The following CHN2 variants were observed in gnomAD, a reference collection of about 807,000 sequenced individuals.
CHN2 encodes chimerin 2.
Under a neutral mutation model 56.3 loss-of-function variants are expected in CHN2, and 35 were observed. That is an observed-to-expected ratio of 0.62 (90% CI 0.47 to 0.82). The LOEUF is 0.82. CHN2 is among the 40% of genes least tolerant of loss of function. The pLI, the probability that CHN2 is intolerant of heterozygous loss-of-function variation, is 0.00. For missense variants in CHN2, 491 were observed against 580.5 expected, an observed-to-expected ratio of 0.85 and a Z score of 1.58; for synonymous variants, 210 against 212.8, an observed-to-expected ratio of 0.99 and a Z score of 0.12.
intron 6 of CHN2, among the ~76,000 whole-genome samples, chr7:29,474,251 A>G (rs1008649847): frequency 1.3e-5 from 2 of 152,184 alleles, no homozygotes; most frequent in African/African-American, 4.8e-5. Context: ...ATAATACCCT[A>G]TTACATTTTA....
chr7:29,391,313 GAGGGAGGTAGGAAGGGAAGGGAAGAGGA>G (rs1165712478), intron 3 of CHN2, among the ~76,000 whole-genome samples: 2 of 146,370 alleles, frequency 1.4e-5, no homozygotes, highest in Non-Finnish European at 3.0e-5. Context: ...AGGAGAGAGG[GAGGGAGGTAGGAAGGGAAGGGAAGAGGA>G]AGGGAGGGGA....
intron 1 of CHN2, among the ~76,000 whole-genome samples, chr7:29,243,846 T>C (rs1787872177): frequency 6.6e-6 from 1 of 152,228 alleles, no homozygotes; most frequent in Non-Finnish European, 1.5e-5. Context: ...TAATTACAGT[T>C]TATCTCCATC....
intron 7 of CHN2, among the ~76,000 whole-genome samples, chr7:29,490,111 C>CT (rs34148468): frequency 0.054 from 7,346 of 136,432 alleles, 229 homozygotes; most frequent in East Asian, 0.15. Flanking sequence ...GATGTCATTC[C>CT]TTTTTTTTTT....
chr7:29,239,982 C>CA (rs1787525407), intron 1 of CHN2, among the ~76,000 whole-genome samples: 1 of 152,144 alleles, frequency 6.6e-6, no homozygotes, highest in African/African-American at 2.4e-5. Flanking sequence ...GCAACTAACT[C>CA]AAACATTTTT....
chr7:29,392,354 A>G (rs1210333664), intron 3 of CHN2, among the ~76,000 whole-genome samples: 1 of 152,234 alleles, frequency 6.6e-6, no homozygotes, highest in Non-Finnish European at 1.5e-5. Context: ...CATCATTTAT[A>G]GAAAGGATAT....
intron 2 of CHN2, among the ~76,000 whole-genome samples, chr7:29,180,268 G>A (rs1270955698): frequency 6.6e-6 from 1 of 152,196 alleles, no homozygotes; most frequent in East Asian, 1.9e-4. Context: ...GCTCACGCCT[G>A]TAATCCCAGC....
rs10633708 is a variant in CHN2 at position 29,504,721 on chromosome 7, G to GTC, written c.914-7_914-6dup. 35,651 of 1,276,840 alleles carry GTC rather than the reference G, an allele frequency of 0.028. 2,979 individuals are homozygous for GTC. The African/African-American group carries it at 0.32, about 11-fold the overall frequency. 79.1% of individuals were successfully genotyped at this position (1,276,840 alleles called of 1,614,324 possible). ...TAGATGTTTCAAGAAGCTAAAGTCA[G>GTC]TCTCTCTCTCTCTCTCTAACAGGAT... On this transcript the variant is annotated intron_variant, in intron 9 of 12. Coordinates refer to ENST00000222792, the MANE Select transcript of CHN2 (RefSeq NM_004067.4).
chr7:29,410,536 A>T (rs1342003208), intron 6 of CHN2, among the ~76,000 whole-genome samples: 2 of 152,070 alleles, frequency 1.3e-5, no homozygotes, highest in African/African-American at 4.8e-5. Flanking sequence ...TTAGTTTTTT[A>T]ATTGGTAAGC....
chr7:29,341,235 G>C, intron 1 of CHN2, among the ~76,000 whole-genome samples: 1 of 143,508 alleles, frequency 7.0e-6, no homozygotes, highest in South Asian at 2.2e-4. Context: ...AGGTACAGTC[G>C]GTAGCCCTCT....
chr7:29,262,413 T>G lies in CHN2; in HGVS notation c.49+67423T>G, dbSNP rs546862136. Among the ~76,000 whole-genome samples, 5 of 152,358 alleles carry G rather than the reference T, an allele frequency of 3.3e-5. No individual in the cohort carries two copies. In the East Asian group the frequency reaches 9.6e-4, roughly 29 times the overall value. On this transcript the variant is annotated intron_variant, in intron 1 of 12. Coordinates refer to ENST00000222792, the MANE Select transcript of CHN2 (RefSeq NM_004067.4). The stretch of plus-strand genomic sequence containing the variant: ...CCTTGTGGTTAATACTTTAAACTAT[T>G]TCTCTATACTAGGCTAAACTAAAGA...
chr7:29,364,022 C>G (rs933937849), intron 2 of CHN2, among the ~76,000 whole-genome samples: 1 of 152,120 alleles, frequency 6.6e-6, no homozygotes, highest in Non-Finnish European at 1.5e-5. Context: ...AAAATTAAAC[C>G]AACAAACAGA....
chr7:29,233,872 C>T (rs546660157), intron 1 of CHN2, among the ~76,000 whole-genome samples: 6 of 91,640 alleles, frequency 6.5e-5, no homozygotes, highest in African/African-American at 8.6e-5. Context: ...CTCGCTCTGT[C>T]GCCCAGGCTG....
At chr7:29,170,925 A>G (rs1796516454) in intron 2 of CHN2, among the ~76,000 whole-genome samples, 1 of 152,144 alleles carries the variant, frequency 6.6e-6, no homozygotes, top group South Asian at 2.1e-4. Flanking sequence ...TCACTATCAC[A>G]AGAAAAACAT....
At chr7:29,322,578 G>A (rs890609899) in intron 1 of CHN2, among the ~76,000 whole-genome samples, 3 of 152,176 alleles carry the variant, frequency 2.0e-5, no homozygotes, top group Non-Finnish European at 4.4e-5. Context: ...ATAGATGAAA[G>A]CTCTCTATAA....
intron 6 of CHN2, among the ~76,000 whole-genome samples, chr7:29,433,033 C>T (rs1187944221): frequency 6.6e-6 from 1 of 152,198 alleles, no homozygotes; most frequent in African/African-American, 2.4e-5. Flanking sequence ...TATAGTTTTT[C>T]CATCAGAGGG....
intron 2 of CHN2, among the ~76,000 whole-genome samples, chr7:29,364,173 A>G (rs889253747): frequency 2.0e-5 from 3 of 152,214 alleles, no homozygotes; most frequent in Non-Finnish European, 4.4e-5. Flanking sequence ...AGAAGATTCA[A>G]TACATGTTAT....
chr7:29,229,464 A>G (rs182247633), intron 1 of CHN2, among the ~76,000 whole-genome samples: 52 of 152,334 alleles, frequency 3.4e-4, no homozygotes, highest in Middle Eastern at 3.4e-3. Flanking sequence ...AGATTTACTA[A>G]TTATATTCCC....
chr7:29,285,834 A>T (rs553386034), intron 1 of CHN2, among the ~76,000 whole-genome samples: 14 of 152,284 alleles, frequency 9.2e-5, no homozygotes, highest in African/African-American at 3.4e-4. Context: ...AAATATCCTC[A>T]TCGGAGTTAT....
intron 3 of CHN2, among the ~76,000 whole-genome samples, chr7:29,381,520 A>G (rs1020653745): frequency 1.9e-4 from 29 of 152,146 alleles, no homozygotes; most frequent in African/African-American, 6.0e-4. Context: ...AGTGCCACTC[A>G]TGGCTGGGCT....
Sources: allele counts gnomAD v4.1 joint callset (sites outside exome capture counted in the v4.1 genomes callset), GRCh38; gene constraint gnomAD v4.1.1; transcripts MANE v1.5; gene names NCBI Gene and HGNC (gene_info 2026-07-23, HGNC 2026-07-21).